The following NDUFAB1 variants were observed in gnomAD, a reference collection of about 807,000 sequenced individuals.
NDUFAB1 encodes the protein NADH:ubiquinone oxidoreductase subunit AB1, also known as acyl carrier protein, mitochondrial.
A neutral mutation model predicts 16.1 loss-of-function variants in NDUFAB1; 5 were observed. That is an observed-to-expected ratio of 0.31 (90% CI 0.16 to 0.65). The LOEUF (loss-of-function observed/expected upper bound fraction) is 0.65. Ranked by LOEUF, NDUFAB1 falls within the 30% of genes least tolerant of loss-of-function variation. The pLI is 0.77. For missense variants in NDUFAB1, 187 were observed against 205.3 expected (o/e 0.91, Z 0.54); for synonymous variants, 85 against 78.4 (o/e 1.08, Z -0.44).
chr16:23,593,105 G>A (rs1401549717), intron 1 of NDUFAB1, among the ~76,000 whole-genome samples: 2 of 152,184 alleles, frequency 1.3e-5, no homozygotes, highest in East Asian at 3.9e-4. Flanking sequence ...AACTAGCCTA[G>A]GCAACATAAG....
chr16:23,593,259 A>AC (rs1197705560), intron 1 of NDUFAB1, among the ~76,000 whole-genome samples: 3 of 152,230 alleles, frequency 2.0e-5, no homozygotes, highest in African/African-American at 7.2e-5. Flanking sequence ...CGATCATGCC[A>AC]CTGCACTCCA....
Position 23,592,507 on chromosome 16 carries a change from G to T in NDUFAB1, c.168+3616C>A, listed in dbSNP as rs145290295. ...ATGGGAAGGGACTGGGACTTTGTCT[G>T]GTCCTGGTCCCAGTCCTGGAATAGC... On this transcript the variant is annotated intron_variant, in intron 1 of 4. Coordinates refer to ENST00000007516, the MANE Select transcript of NDUFAB1 (RefSeq NM_005003.3). Among the ~76,000 whole-genome samples the T allele has an allele frequency of 8.4e-4, 128 of 152,234 alleles. No individual in the cohort carries two copies. The East Asian group carries it at 0.023, about 28-fold the overall frequency.
intron 1 of NDUFAB1, among the ~76,000 whole-genome samples, chr16:23,590,655 C>A (rs1251074252): frequency 3.3e-4 from 27 of 82,562 alleles, no homozygotes; most frequent in Admixed American, 2.4e-3. Flanking sequence ...TTTTTTTTTT[C>A]AGACAGAGTC....
chr16:23,584,384 A>G (rs1482196413), intron 3 of NDUFAB1, among the ~76,000 whole-genome samples: 5 of 151,200 alleles, frequency 3.3e-5, no homozygotes, highest in African/African-American at 9.7e-5. Context: ...TGTAAATGGT[A>G]TATAACGTGT....
At chr16:23,590,654 T>C (rs1187289720) in intron 1 of NDUFAB1, among the ~76,000 whole-genome samples, 20 of 151,058 alleles carry the variant, frequency 1.3e-4, no homozygotes, top group Admixed American at 1.2e-3. Context: ...TTTTTTTTTT[T>C]CAGACAGAGT....
At chr16:23,587,145 G>A in intron 2 of NDUFAB1, 52 bp downstream of exon 2, 1 of 1,529,804 alleles carries the variant, frequency 6.5e-7, no homozygotes, top group Non-Finnish European at 9.0e-7. Flanking sequence ...TTTCTAGCAT[G>A]TAATTAAATA....
At position 23,596,264 on chromosome 16, in the gene NDUFAB1, A is replaced by G; in HGVS notation, c.27T>C (p.Tyr9=). 1 of 1,587,716 alleles carries G rather than the reference A, an allele frequency of 6.3e-7. No individual in the cohort carries two copies. The highest frequency in any genetic ancestry group is 8.6e-7 in the Non-Finnish European group (1 of 1,168,734). MASRVLSA[Y]VSRLPAAFAP... is the part of the protein sequence containing the mutation. The stretch of plus-strand genomic sequence containing the variant: ...CAAAGGCCGCGGGCAGGCGGCTGAC[A>G]TAGGCTGAAAGGACACGAGACGCCA... The change falls in exon 1 of 5, where the codon TAT becomes TAC. Residue 9 remains tyrosine (Y), a synonymous_variant. Transcript: ENST00000007516.
chr16:23,590,636 CTCT>C (rs1966271527), intron 1 of NDUFAB1, among the ~76,000 whole-genome samples: 1 of 106,182 alleles, frequency 9.4e-6, no homozygotes, highest in Non-Finnish European at 1.9e-5. Context: ...TGCCTCTGGT[CTCT>C]TTTTTTTTTT....
At chr16:23,582,812 GTCTCCC>G (rs60095526) in intron 3 of NDUFAB1, among the ~76,000 whole-genome samples, 15,383 of 141,222 alleles carry the variant, frequency 0.11, 1,160 homozygotes, top group African/African-American at 0.2. Flanking sequence ...TCTTCCCACG[GTCTCCC>G]TCTCCCTCTC....
chr16:23,595,382 G>A (rs1966315410), intron 1 of NDUFAB1: 1 of 361,922 alleles, frequency 2.8e-6, no homozygotes, highest in Non-Finnish European at 5.4e-6. Flanking sequence ...TATTTGCGCA[G>A]ATTGGTTCCA....
At position 23,596,021 on chromosome 16, in the gene NDUFAB1, C is replaced by T. The variant is rs894238746; in HGVS notation, c.168+102G>A. 4.3e-5 allele frequency: 60 copies of T among 1,390,374 alleles called. No individual in the cohort carries two copies. The East Asian group carries it at 1.2e-3, about 28-fold the overall frequency. The allele number at this position is 1,390,374 out of a possible 1,614,324, so 86.1% of individuals were successfully genotyped here. A position where few individuals can be genotyped will look rare whatever the true frequency, so the allele number is the denominator to read the frequency against. On this transcript the variant is annotated intron_variant, in intron 1 of 4. Transcript: ENST00000007516. ...GGAGCGAGCCGGCTGCCCCCCGGGTCACCCCTGCCTGCAGCTGGCGCGCCC... is the reference window on the plus strand; with the variant it reads ...GGAGCGAGCCGGCTGCCCCCCGGGTTACCCCTGCCTGCAGCTGGCGCGCCC...
chr16:23,590,656 AG>A (rs1336846045), intron 1 of NDUFAB1, among the ~76,000 whole-genome samples: 4 of 88,946 alleles, frequency 4.5e-5, no homozygotes, highest in Non-Finnish European at 8.5e-5. Flanking sequence ...TTTTTTTTTC[AG>A]ACAGAGTCTC....
chr16:23,595,491 C>A, intron 1 of NDUFAB1: 1 of 439,130 alleles, frequency 2.3e-6, no homozygotes, highest in South Asian at 1.6e-5. Context: ...ATACGCGGGG[C>A]GGCACATCCC....
At chr16:23,590,639 T>TATTTCTTTTC (rs1555507748) in intron 1 of NDUFAB1, among the ~76,000 whole-genome samples, 10 of 86,646 alleles carry the variant, frequency 1.2e-4, no homozygotes, top group African/African-American at 5.3e-4. Flanking sequence ...CTCTGGTCTC[T>TATTTCTTTTC]TTTTTTTTTT....
chr16:23,583,943 G>T (rs989873708), intron 3 of NDUFAB1, among the ~76,000 whole-genome samples: 3 of 151,810 alleles, frequency 2.0e-5, no homozygotes, highest in Non-Finnish European at 4.4e-5. Flanking sequence ...GGATGCTGTT[G>T]ATCTATGACC....
intron 2 of NDUFAB1, among the ~76,000 whole-genome samples, chr16:23,586,013 G>A (rs192331586): frequency 6.6e-5 from 10 of 150,960 alleles, no homozygotes; most frequent in South Asian, 2.1e-4. Context: ...CTGCAAACTC[G>A]GCCTCCCGGG....
At chr16:23,586,852 TAGTC>T (rs2142234446) in intron 2 of NDUFAB1, among the ~76,000 whole-genome samples, 1 of 149,726 alleles carries the variant, frequency 6.7e-6, no homozygotes, top group African/African-American at 2.5e-5. Flanking sequence ...TTCTACATGT[TAGTC>T]AGGCTGGTCT....
intron 1 of NDUFAB1, among the ~76,000 whole-genome samples, chr16:23,593,577 T>C (rs1020600764): frequency 4.6e-5 from 7 of 152,184 alleles, no homozygotes; most frequent in South Asian, 2.1e-4. Flanking sequence ...CAAGCCGCCA[T>C]AGTGGAACAT....
chr16:23,581,543 C>CT (rs1200810546), intron 4 of NDUFAB1, among the ~76,000 whole-genome samples: 4 of 131,788 alleles, frequency 3.0e-5, no homozygotes, highest in African/African-American at 1.1e-4. Flanking sequence ...AAGGTTCCAT[C>CT]TTTAAAAAAA....
Sources: allele counts gnomAD v4.1 joint callset (sites outside exome capture counted in the v4.1 genomes callset), GRCh38; gene constraint gnomAD v4.1.1; transcripts MANE v1.5; gene names NCBI Gene and HGNC (gene_info 2026-07-23, HGNC 2026-07-21).